Variants in NCOA5 observed in about 807,000 individuals in gnomAD.
NCOA5 encodes the protein nuclear receptor coactivator 5.
Under a neutral mutation model 59.0 loss-of-function variants are expected in NCOA5, and 12 were observed. That is an observed-to-expected ratio of 0.20 (90% CI 0.13 to 0.33). The LOEUF is 0.33. Among genes scored for constraint, NCOA5 ranks in the 10% least tolerant of loss-of-function variants. NCOA5 has a pLI of 1.00. For synonymous variants in NCOA5, 270 were observed against 275.5 expected, an observed-to-expected ratio of 0.98 and a Z score of 0.20; for missense variants, 655 against 766.6, an observed-to-expected ratio of 0.85 and a Z score of 1.72.
intron 1 of NCOA5, among the ~76,000 whole-genome samples, chr20:46,082,460 G>C (rs1441600288): frequency 6.6e-6 from 1 of 152,170 alleles, no homozygotes; most frequent in Non-Finnish European, 1.5e-5. Context: ...GGCAACTTGG[G>C]AATCTCTTCC....
chr20:46,067,475 C>A (rs2084836943), intron 4 of NCOA5, among the ~76,000 whole-genome samples: 1 of 152,092 alleles, frequency 6.6e-6, no homozygotes, highest in Non-Finnish European at 1.5e-5. Flanking sequence ...TTTCTCCACA[C>A]CTTAGTCAAC....
intron 1 of NCOA5, among the ~76,000 whole-genome samples, chr20:46,087,905 A>G (rs1420154794): frequency 6.6e-6 from 1 of 152,178 alleles, no homozygotes; most frequent in Non-Finnish European, 1.5e-5. Context: ...TAAATTCTAC[A>G]TTGTGATCAT....
chr20:46,088,364 G>A (rs2085065430), intron 1 of NCOA5, among the ~76,000 whole-genome samples: 1 of 152,150 alleles, frequency 6.6e-6, no homozygotes, highest in African/African-American at 2.4e-5. Context: ...CTCAAAGAAA[G>A]GCAAAGAAAT....
chr20:46,065,207 C>A lies in NCOA5; in HGVS notation c.651G>T (p.Gly217=). Reference sequence around the variant, plus strand: ...CCATGCCCAGGTCTCGCACCTTCCGCCCCACAGACTCAGCATAGTCTCTGT... The same window carrying A: ...CCATGCCCAGGTCTCGCACCTTCCGACCCACAGACTCAGCATAGTCTCTGT... ...KQTKDYAESV[G]RKVRDLGMVV... Residue 217 remains glycine (G), a synonymous_variant, in exon 6 of 8, where the codon GGG becomes GGT. Transcript: ENST00000290231. The A allele has an allele frequency of 6.2e-7, 1 of 1,614,168 alleles. No individual in the cohort carries two copies. Among genetic ancestry groups the A allele is most frequent in the East Asian group, 2.2e-5 (1 of 44,890 alleles).
chr20:46,089,402 C>A (rs1308281640), intron 1 of NCOA5, among the ~76,000 whole-genome samples: 8 of 152,208 alleles, frequency 5.3e-5, no homozygotes, highest in African/African-American at 1.9e-4. Flanking sequence ...CGCCTTGGGC[C>A]CGGTTCGAAT....
chr20:46,069,830 AACT>A (rs2084863085), intron 3 of NCOA5, among the ~76,000 whole-genome samples: 1 of 152,214 alleles, frequency 6.6e-6, no homozygotes, highest in Non-Finnish European at 1.5e-5. Flanking sequence ...ATTCATGTAC[AACT>A]GAGTCCCTCT....
intron 2 of NCOA5, 130 bp from the exon 3 acceptor site, chr20:46,070,666 C>T (rs2084873510): frequency 1.3e-6 from 1 of 799,026 alleles, no homozygotes; most frequent in Non-Finnish European, 2.0e-6. Context: ...CAGAACATGA[C>T]TCAACATTTA....
chr20:46,069,765 T>TA (rs2084862464), intron 3 of NCOA5, among the ~76,000 whole-genome samples: 1 of 152,098 alleles, frequency 6.6e-6, no homozygotes, highest in African/African-American at 2.4e-5. Flanking sequence ...AATCTGCTGA[T>TA]AGACATCTGG....
chr20:46,062,558 A>G lies in NCOA5; in HGVS notation c.1482T>C (p.Ala494=), dbSNP rs779978446. The G allele has an allele frequency of 2.5e-6, 4 of 1,614,070 alleles. No individual in the cohort carries two copies. The African/African-American group carries it at 4.0e-5, about 16-fold the overall frequency. ...CCCCAGGTCTGGGGCCCATGTTCTGAGCAGATCCTCCCTGTCCCAAAATGC... is the reference window on the plus strand; with the variant it reads ...CCCCAGGTCTGGGGCCCATGTTCTGGGCAGATCCTCCCTGTCCCAAAATGC... ...PPSILGQGGS[A]QNMGPRPGAP... is the part of the protein sequence containing the mutation. Residue 494 remains alanine, a synonymous_variant, in exon 8 of 8, where the codon GCT becomes GCC. Transcript: ENST00000290231.
chr20:46,075,627 T>C (rs532856541), intron 2 of NCOA5, among the ~76,000 whole-genome samples: 32 of 152,336 alleles, frequency 2.1e-4, no homozygotes, highest in Admixed American at 1.6e-3. Flanking sequence ...AAGTACAGTC[T>C]TACTTCTTGT....
In NCOA5 at chr20:46,089,887, C is replaced by G. The variant is rs376650670; in HGVS notation, c.-100G>C. 51 of 152,352 alleles carry G rather than the reference C, an allele frequency of 3.3e-4. No homozygotes were observed. Among genetic ancestry groups the G allele is most frequent in the African/African-American group, 1.2e-3 (51 of 41,574 alleles). 9.4% of individuals were successfully genotyped at this position (152,352 alleles called of 1,614,324 possible). A position where few individuals can be genotyped will look rare whatever the true frequency, so the allele number is the denominator to read the frequency against. On this transcript the variant is annotated 5_prime_UTR_variant, in exon 1 of 8. Coordinates refer to ENST00000290231, the MANE Select transcript of NCOA5 (RefSeq NM_020967.3). ...CGCCGCTGCCGCCTCCGCGTCGGCC[C>G]ACCTGCCCGCCGTAGGACAAAGGCG... is the stretch of plus-strand genomic sequence containing the variant.
intron 5 of NCOA5, among the ~76,000 whole-genome samples, chr20:46,066,629 A>T (rs770128349): frequency 3.3e-5 from 5 of 152,190 alleles, no homozygotes; most frequent in African/African-American, 4.8e-5. Flanking sequence ...AGAACTGCAG[A>T]ACTTCAGGTG....
rs1483379346 is a variant in NCOA5 at position 46,065,051 on chromosome 20, G to A, written c.807C>T (p.Asn269=). ...QHQIHRSCTV[N]IMFGTPQEHR... ...TACCTTGCGGGGTTCCAAACATGAT[G>A]TTGACTGTGCAGGAGCGGTGAATCT... is the stretch of plus-strand genomic sequence containing the variant. The change falls in exon 6 of 8, where the codon AAC becomes AAT. Residue 269 remains asparagine, a synonymous_variant. Transcript: ENST00000290231. 3.1e-6 allele frequency: 5 copies of A among 1,614,218 alleles called. No individual in the cohort carries two copies. In the East Asian group the frequency reaches 1.1e-4, roughly 36 times the overall value.
At chr20:46,082,132 C>T (rs757427983) in intron 1 of NCOA5, among the ~76,000 whole-genome samples, 5 of 152,152 alleles carry the variant, frequency 3.3e-5, no homozygotes, top group Non-Finnish European at 7.4e-5. Context: ...CACCAACTCA[C>T]GGCTTTACAT....
chr20:46,063,015 AT>A, intron 7 of NCOA5, 126 bp from the exon 8 acceptor site: 1 of 830,862 alleles, frequency 1.2e-6, no homozygotes, highest in South Asian at 2.0e-5. Flanking sequence ...GATAACATCA[AT>A]TTCCCAAAGA....
rs186584029 is a variant in NCOA5 at position 46,088,714 on chromosome 20, G to A, written c.-30+1103C>T. 4.5e-4 allele frequency among the ~76,000 whole-genome samples: 68 copies of A among 152,292 alleles called. No homozygotes were observed. The East Asian group carries it at 9.8e-3, about 22-fold the overall frequency. ...AAAGAGAACAGTTTACAAGAAAGCT[G>A]TTACATTATCCCTGAAGAGCCCAGG... On this transcript the variant is annotated intron_variant, in intron 1 of 7. Transcript: ENST00000290231.
chr20:46,063,273 C>A (rs1375711012), intron 7 of NCOA5, 87 bp downstream of exon 7: 9 of 1,401,124 alleles, frequency 6.4e-6, no homozygotes, highest in Non-Finnish European at 8.7e-6. Context: ...CTCCAAAGAG[C>A]CCTGGGCCTG....
Position 46,067,201 on chromosome 20 carries a change from TA to T in NCOA5, c.503-21del. The T allele has an allele frequency of 6.2e-7, 1 of 1,608,806 alleles. No individual in the cohort carries two copies. The highest frequency in any genetic ancestry group is 8.5e-7 in the Non-Finnish European group (1 of 1,178,198). On this transcript the variant is annotated intron_variant, in intron 4 of 7. Coordinates refer to ENST00000290231, the MANE Select transcript of NCOA5 (RefSeq NM_020967.3). ...AACGCTCTGCAAAACACCACCAGGG[TA>T]AACTGAAATAAGGACTGGACCCTCA...
intron 5 of NCOA5, 140 bp downstream of exon 5, chr20:46,066,915 A>C (rs2084830258): frequency 1.0e-6 from 1 of 994,788 alleles, no homozygotes; most frequent in South Asian, 1.9e-5. Flanking sequence ...TCTGTCACCT[A>C]TAACTGAAAG....
Sources: gnomAD v4.1 joint callset for allele counts (sites outside exome capture counted in the v4.1 genomes callset) on GRCh38, gnomAD v4.1.1 for gene constraint, MANE v1.5 for transcripts, NCBI Gene and HGNC (gene_info 2026-07-23, HGNC 2026-07-21) for gene names.